SGMS1: variants seen among roughly 807,000 people sequenced by gnomAD.
SGMS1 encodes sphingomyelin synthase 1.
In SGMS1, 13 loss-of-function variants were observed where a neutral mutation model predicts 46.2. The ratio of observed to expected loss-of-function variants is 0.28; its 90% CI spans 0.18 to 0.45. The LOEUF is 0.45. Ranked by LOEUF, SGMS1 falls within the 20% of genes least tolerant of loss-of-function variation. The pLI is 1.00. For synonymous variants in SGMS1, 203 were observed against 187.8 expected (o/e 1.08, Z -0.66); for missense variants, 324 against 519.9 (o/e 0.62, Z 3.66).
At chr10:50,457,404 G>A (rs926431856) in intron 5 of SGMS1, among the ~76,000 whole-genome samples, 1 of 152,056 alleles carries the variant, frequency 6.6e-6, no homozygotes, top group Non-Finnish European at 1.5e-5. Flanking sequence ...TTAAGCAAAT[G>A]TTTTTTACAT....
chr10:50,498,970 C>G (rs1003137004), intron 3 of SGMS1, among the ~76,000 whole-genome samples: 1 of 152,146 alleles, frequency 6.6e-6, no homozygotes. Flanking sequence ...TCCTGGCCAA[C>G]ATTTGTTATT....
chr10:50,435,074 A>C (rs1849457954), intron 5 of SGMS1, among the ~76,000 whole-genome samples: 2 of 152,218 alleles, frequency 1.3e-5, no homozygotes, highest in South Asian at 4.1e-4. Context: ...ATGGCTTTAT[A>C]TGCCTGGCCA....
intron 5 of SGMS1, among the ~76,000 whole-genome samples, chr10:50,448,251 C>CA (rs923744002): frequency 5.3e-5 from 8 of 149,714 alleles, no homozygotes; most frequent in South Asian, 2.1e-4. Context: ...GACCTTGTCT[C>CA]AAAAAAAAAT....
intron 1 of SGMS1, among the ~76,000 whole-genome samples, chr10:50,594,849 A>G (rs542492624): frequency 6.6e-6 from 1 of 152,330 alleles, no homozygotes; most frequent in Non-Finnish European, 1.5e-5. Flanking sequence ...AAATAAGTTC[A>G]TTTCAACTCA....
At chr10:50,504,849 T>A (rs967391298) in intron 3 of SGMS1, among the ~76,000 whole-genome samples, 1 of 152,186 alleles carries the variant, frequency 6.6e-6, no homozygotes. Context: ...CGACTGCTGC[T>A]CTCAAATTTC....
At chr10:50,427,077 G>GA (rs1317740271) in intron 6 of SGMS1, among the ~76,000 whole-genome samples, 2 of 152,176 alleles carry the variant, frequency 1.3e-5, no homozygotes, top group South Asian at 4.1e-4. Flanking sequence ...CTTTATAACA[G>GA]AAAAAATTAA....
At chr10:50,354,700 A>AG (rs1166478450) in intron 6 of SGMS1, among the ~76,000 whole-genome samples, 1 of 152,218 alleles carries the variant, frequency 6.6e-6, no homozygotes, top group Non-Finnish European at 1.5e-5. Context: ...CATCTGACAA[A>AG]GGGCTAATAT....
intron 1 of SGMS1, among the ~76,000 whole-genome samples, chr10:50,599,682 G>A (rs1588888801): frequency 6.6e-6 from 1 of 152,262 alleles, no homozygotes; most frequent in Admixed American, 6.5e-5. Context: ...GGCCAACATA[G>A]TGAAACCCCG....
chr10:50,318,377 C>T (rs1179081378), intron 8 of SGMS1, among the ~76,000 whole-genome samples: 1 of 152,206 alleles, frequency 6.6e-6, no homozygotes, highest in African/African-American at 2.4e-5. Context: ...AACATTTTCT[C>T]ATCCTCAACC....
intron 2 of SGMS1, among the ~76,000 whole-genome samples, chr10:50,554,779 T>C (rs1337831725): frequency 1.3e-5 from 2 of 152,270 alleles, no homozygotes; most frequent in East Asian, 1.9e-4. Context: ...ACTCCCCCAA[T>C]TGCTAACAGA....
At chr10:50,528,536 C>G (rs1837924786) in intron 2 of SGMS1, among the ~76,000 whole-genome samples, 1 of 152,200 alleles carries the variant, frequency 6.6e-6, no homozygotes, top group Non-Finnish European at 1.5e-5. Context: ...TTCCTTGGCA[C>G]CAATCAGAAT....
chr10:50,520,476 T>C (rs1025644143), intron 2 of SGMS1, among the ~76,000 whole-genome samples: 2 of 152,156 alleles, frequency 1.3e-5, no homozygotes, highest in African/African-American at 2.4e-5. Context: ...CATTTTCTCA[T>C]TGGAGCCATA....
At chr10:50,440,309 C>T (rs764847179) in intron 5 of SGMS1, among the ~76,000 whole-genome samples, 1 of 151,044 alleles carries the variant, frequency 6.6e-6, no homozygotes, top group South Asian at 2.1e-4. Flanking sequence ...TTTAAAGTGG[C>T]CTTTCACTCA....
chr10:50,417,788 G>C (rs1849195139), intron 6 of SGMS1, among the ~76,000 whole-genome samples: 1 of 152,148 alleles, frequency 6.6e-6, no homozygotes, highest in South Asian at 2.1e-4. Context: ...CCCTACCCTT[G>C]GTTCTCATGC....
chr10:50,359,257 C>T (rs1848206935), intron 6 of SGMS1, among the ~76,000 whole-genome samples: 1 of 152,164 alleles, frequency 6.6e-6, no homozygotes, highest in Non-Finnish European at 1.5e-5. Context: ...CTCCTCCACA[C>T]TGTGTTTATT....
At chr10:50,586,748 C>T (rs1002289201) in intron 2 of SGMS1, among the ~76,000 whole-genome samples, 1 of 152,208 alleles carries the variant, frequency 6.6e-6, no homozygotes, top group African/African-American at 2.4e-5. Context: ...TCAATCTTCT[C>T]GCTGCTGTCT....
intron 2 of SGMS1, among the ~76,000 whole-genome samples, chr10:50,535,190 C>A (rs1484687740): frequency 6.6e-6 from 1 of 151,544 alleles, no homozygotes; most frequent in African/African-American, 2.4e-5. Context: ...CAAGATCACA[C>A]CACTGCACTC....
chr10:50,437,150 C>G (rs964308605), intron 5 of SGMS1, among the ~76,000 whole-genome samples: 1 of 152,180 alleles, frequency 6.6e-6, no homozygotes, highest in Non-Finnish European at 1.5e-5. Flanking sequence ...ACACTATCCT[C>G]ATACTTTGGG....
At chr10:50,458,013 G>A (rs1162853349) in intron 5 of SGMS1, among the ~76,000 whole-genome samples, 1 of 152,206 alleles carries the variant, frequency 6.6e-6, no homozygotes, top group Non-Finnish European at 1.5e-5. Context: ...AGCACTGGGT[G>A]GGAAATGGCA....
Sources: gnomAD v4.1 joint callset for allele counts (sites outside exome capture counted in the v4.1 genomes callset) on GRCh38, gnomAD v4.1.1 for gene constraint, MANE v1.5 for transcripts, NCBI Gene and HGNC (gene_info 2026-07-23, HGNC 2026-07-21) for gene names.